The following MED13L variants were observed in gnomAD, a reference collection of about 807,000 sequenced individuals.
MED13L encodes mediator of RNA polymerase II transcription subunit 13-like.
A neutral mutation model predicts 220.9 loss-of-function variants in MED13L; 7 were observed. That is an observed-to-expected ratio of 0.03 (90% CI 0.02 to 0.06). The LOEUF (loss-of-function observed/expected upper bound fraction) is 0.06, where lower values mean the gene tolerates loss of function less well. Ranked by LOEUF, MED13L falls within the 10% of genes least tolerant of loss-of-function variation. The pLI is 1.00. For missense variants in MED13L, 1,965 were observed against 2,760.5 expected, an observed-to-expected ratio of 0.71 and a Z score of 6.46; for synonymous variants, 1,011 against 1,015.2, an observed-to-expected ratio of 1.00 and a Z score of 0.08.
rs889414658 is a variant in MED13L, at chr12:116,051,620, T to C, written c.480-29019A>G. 4.6e-5 allele frequency among the ~76,000 whole-genome samples: 7 copies of C among 152,340 alleles called. No individual in the cohort carries two copies. In the East Asian group the frequency reaches 1.2e-3, roughly 25 times the overall value. Reference sequence around the variant, plus strand: ...ATATCTGCATACACATAATAAGATATATTGGGAATGAGACCCAAGTCTGAA... The same window carrying C: ...ATATCTGCATACACATAATAAGATACATTGGGAATGAGACCCAAGTCTGAA... On this transcript the variant is annotated intron_variant, in intron 4 of 30. Coordinates refer to ENST00000281928, the MANE Select transcript of MED13L (RefSeq NM_015335.5).
chr12:116,214,568 T>C (rs1355880336), intron 2 of MED13L, among the ~76,000 whole-genome samples: 3 of 152,162 alleles, frequency 2.0e-5, no homozygotes, highest in South Asian at 4.1e-4. Context: ...GGATAAAATA[T>C]ATGTAATACC....
chr12:116,266,169 C>G (rs1872816303), intron 1 of MED13L, among the ~76,000 whole-genome samples: 1 of 152,146 alleles, frequency 6.6e-6, no homozygotes, highest in Admixed American at 6.5e-5. Context: ...TACTGGCTAC[C>G]CCGTCCAATC....
At position 116,022,466 on chromosome 12, in the gene MED13L, T is replaced by C; in HGVS notation, c.615A>G (p.Ala205=). 6.2e-7 allele frequency: 1 copy of C among 1,613,734 alleles called. No homozygotes were observed. Among genetic ancestry groups the C allele is most frequent in the Non-Finnish European group, 8.5e-7 (1 of 1,179,802 alleles). Residue 205 remains alanine (A), a synonymous_variant, in exon 5 of 31, where the codon GCA becomes GCG. Coordinates refer to ENST00000281928, the MANE Select transcript of MED13L (RefSeq NM_015335.5). Reference sequence around the variant, plus strand: ...AACACCCATACTTACCTTGAAATGGTGCAGGTGAAGACTGAGCCATGTGTA... The same window carrying C: ...AACACCCATACTTACCTTGAAATGGCGCAGGTGAAGACTGAGCCATGTGTA... ...EHIHMAQSSP[A]PFQVLVSPYG...
chr12:116,047,281 A>T (rs1406645428), intron 4 of MED13L, among the ~76,000 whole-genome samples: 3 of 152,056 alleles, frequency 2.0e-5, no homozygotes, highest in African/African-American at 7.2e-5. Flanking sequence ...TTGAATCCAA[A>T]AGGTCAAGGC....
chr12:116,019,114 C>T, intron 7 of MED13L, 110 bp downstream of exon 7: 1 of 1,061,676 alleles, frequency 9.4e-7, no homozygotes, highest in Non-Finnish European at 1.4e-6. Flanking sequence ...TACTCTACTA[C>T]CTCCATCTCT....
chr12:116,154,213 C>T (rs892761087), intron 2 of MED13L, among the ~76,000 whole-genome samples: 1 of 152,112 alleles, frequency 6.6e-6, no homozygotes, highest in East Asian at 1.9e-4. Flanking sequence ...TTTGCCAAAA[C>T]AAAGTCAAAC....
At chr12:116,268,041 A>G (rs1421022923) in intron 1 of MED13L, among the ~76,000 whole-genome samples, 1 of 152,258 alleles carries the variant, frequency 6.6e-6, no homozygotes, top group East Asian at 1.9e-4. Context: ...CAAATGGTCA[A>G]TAAGAGCTCC....
chr12:116,276,575 G>C, intron 1 of MED13L: 27 of 1,232,554 alleles, frequency 2.2e-5, no homozygotes, highest in Non-Finnish European at 2.8e-5. Context: ...CTATTTTAGG[G>C]CGAAATTGCA....
chr12:116,223,351 T>C (rs1041172467), intron 2 of MED13L, among the ~76,000 whole-genome samples: 3 of 152,142 alleles, frequency 2.0e-5, no homozygotes, highest in Admixed American at 6.5e-5. Context: ...ATATGAAGAA[T>C]TATTCAATTT....
chr12:116,221,441 A>G (rs1287913358), intron 2 of MED13L, among the ~76,000 whole-genome samples: 1 of 152,112 alleles, frequency 6.6e-6, no homozygotes, highest in Non-Finnish European at 1.5e-5. Flanking sequence ...AATATTCTGA[A>G]AGAAAGAATA....
chr12:116,014,732 A>C (rs976756567), intron 8 of MED13L, among the ~76,000 whole-genome samples: 8 of 152,116 alleles, frequency 5.3e-5, no homozygotes, highest in African/African-American at 1.9e-4. Flanking sequence ...ATCAGCAAGG[A>C]AGGTTCTTTC....
chr12:115,999,367 G>A lies in MED13L; in HGVS notation c.2570-2137C>T, dbSNP rs145949498. Among the ~76,000 whole-genome samples the A allele has an allele frequency of 2.2e-4, 33 of 151,954 alleles. No individual in the cohort carries two copies. In the East Asian group the frequency reaches 4.5e-3, roughly 21 times the overall value. The stretch of plus-strand genomic sequence containing the variant: ...GATCTCGCCACTGCAATCCAGCCTC[G>A]GTGAAAGAGAAAGACTCTGTCTCAA... On this transcript the variant is annotated intron_variant, in intron 14 of 30. Coordinates refer to ENST00000281928, the MANE Select transcript of MED13L (RefSeq NM_015335.5).
At chr12:116,045,028 CA>C (rs1161218860) in intron 4 of MED13L, among the ~76,000 whole-genome samples, 1 of 152,102 alleles carries the variant, frequency 6.6e-6, no homozygotes, top group Admixed American at 6.6e-5. Flanking sequence ...CAGATAACTA[CA>C]AAACACACAT....
chr12:116,041,992 G>A (rs887643050), intron 4 of MED13L, among the ~76,000 whole-genome samples: 2 of 152,146 alleles, frequency 1.3e-5, no homozygotes, highest in East Asian at 3.8e-4. Context: ...TCAGTGCACA[G>A]GTTATACTCA....
chr12:115,983,179 G>A lies in MED13L; in HGVS notation c.4893C>T (p.Gly1631=), dbSNP rs1877451229. The A allele has an allele frequency of 6.2e-7, 1 of 1,614,050 alleles. No homozygotes were observed. The highest frequency in any genetic ancestry group is 1.3e-5 in the African/African-American group (1 of 74,930). Residue 1631 remains glycine, a synonymous_variant, in exon 21 of 31, where the codon GGC becomes GGT. Transcript: ENST00000281928. The part of the protein sequence containing the change: ...ISADRTQGNI[G]CGGDTDPGQS... ...GCCCAGGGTCAGTGTCTCCACCACA[G>A]CCTATGTTCCCTTGCGTTCTATCCG...
At chr12:115,962,401 G>A (rs754739172) in intron 30 of MED13L, among the ~76,000 whole-genome samples, 19 of 152,288 alleles carry the variant, frequency 1.2e-4, no homozygotes, top group East Asian at 5.8e-4. Flanking sequence ...GACAGGAGGC[G>A]GAGCACAGGC....
rs770323187 is a variant in MED13L at position 116,007,471 on chromosome 12, G to T, written c.2178C>A (p.Ile726=). The T allele has an allele frequency of 1.9e-6, 3 of 1,613,866 alleles. No homozygotes were observed. Among genetic ancestry groups the T allele is most frequent in the Non-Finnish European group, 8.5e-7 (1 of 1,179,910 alleles). Residue 726 remains isoleucine, a synonymous_variant, in exon 11 of 31, where the codon ATC becomes ATA. Coordinates refer to ENST00000281928, the MANE Select transcript of MED13L (RefSeq NM_015335.5). ...YTFEDGDIKY[I]FTANKKCKQG... ...GTTTGCATTTCTTGTTGGCTGTAAAGATGTATTTTATGTCACCATCTTCAA... is the reference window on the plus strand; with the variant it reads ...GTTTGCATTTCTTGTTGGCTGTAAATATGTATTTTATGTCACCATCTTCAA...
intron 2 of MED13L, among the ~76,000 whole-genome samples, chr12:116,150,544 C>G (rs2138089587): frequency 6.6e-6 from 1 of 152,282 alleles, no homozygotes; most frequent in Non-Finnish European, 1.5e-5. Context: ...CTCTCGTGTT[C>G]CACTACTCCT....
At chr12:116,066,856 C>T (rs1453933644) in intron 4 of MED13L, among the ~76,000 whole-genome samples, 1 of 151,932 alleles carries the variant, frequency 6.6e-6, no homozygotes, top group Non-Finnish European at 1.5e-5. Flanking sequence ...ACACTTCCTG[C>T]TACTTCATCT....
Sources: allele counts gnomAD v4.1 joint callset (sites outside exome capture counted in the v4.1 genomes callset), GRCh38; gene constraint gnomAD v4.1.1; transcripts MANE v1.5; gene names NCBI Gene and HGNC (gene_info 2026-07-23, HGNC 2026-07-21).